The following CLINT1 variants were observed in gnomAD, a reference collection of about 807,000 sequenced individuals.
CLINT1 encodes clathrin interacting protein localized in the trans-Golgi region.
Under a neutral mutation model 70.4 loss-of-function variants are expected in CLINT1, and 15 were observed. The observed-to-expected ratio is 0.21, with a 90% CI of 0.14 to 0.33. The LOEUF is 0.33. CLINT1 is among the 10% of genes least tolerant of loss of function. CLINT1 has a pLI of 1.00. For synonymous variants in CLINT1, 227 were observed against 254.7 expected (o/e 0.89, Z 1.04); for missense variants, 615 against 778.1 (o/e 0.79, Z 2.49).
chr5:157,830,049 A>G (rs1232174191), intron 1 of CLINT1, among the ~76,000 whole-genome samples: 5 of 152,106 alleles, frequency 3.3e-5, no homozygotes, highest in Non-Finnish European at 7.4e-5. Context: ...CCCAGGCTCA[A>G]GCGATCCTCT....
intron 1 of CLINT1, among the ~76,000 whole-genome samples, chr5:157,839,841 C>T (rs1034813495): frequency 1.6e-4 from 25 of 151,862 alleles, no homozygotes; most frequent in Non-Finnish European, 3.7e-4. Flanking sequence ...CAGGAGTCCT[C>T]AGAGAAATGG....
rs555036095 is a variant in CLINT1, at chr5:157,851,165, G to A, written c.41+7765C>T. ...AAACAAACAAACAAACAAAAAACCC[G>A]AAAATTGAATTTTCAATGCATGCCT... On this transcript the variant is annotated intron_variant, in intron 1 of 11. Transcript: ENST00000411809. Among the ~76,000 whole-genome samples the A allele has an allele frequency of 3.0e-4, 46 of 152,110 alleles. No homozygotes were observed. In the East Asian group the frequency reaches 6.9e-3, roughly 23 times the overall value.
At chr5:157,809,534 A>G in intron 6 of CLINT1, 94 bp downstream of exon 6, 1 of 1,021,118 alleles carries the variant, frequency 9.8e-7, no homozygotes, top group Non-Finnish European at 1.4e-6. Context: ...AGATAATGTT[A>G]ATACCCCAAA....
intron 1 of CLINT1, among the ~76,000 whole-genome samples, chr5:157,846,782 C>A (rs571130440): frequency 6.6e-6 from 1 of 152,150 alleles, no homozygotes; most frequent in Non-Finnish European, 1.5e-5. Context: ...GTGCTCACTG[C>A]ACATTATGAA....
At chr5:157,800,793 G>A (rs1762188923) in intron 8 of CLINT1, among the ~76,000 whole-genome samples, 1 of 152,034 alleles carries the variant, frequency 6.6e-6, no homozygotes, top group Admixed American at 6.6e-5. Context: ...ACCACTCAAA[G>A]GTTCCTTGCC....
chr5:157,847,019 G>T (rs2113318612), intron 1 of CLINT1, among the ~76,000 whole-genome samples: 1 of 152,144 alleles, frequency 6.6e-6, no homozygotes, highest in South Asian at 2.1e-4. Flanking sequence ...AGAGATGAGT[G>T]TTTTCATGTC....
intron 1 of CLINT1, among the ~76,000 whole-genome samples, chr5:157,852,543 G>T (rs531826288): frequency 6.6e-6 from 1 of 152,166 alleles, no homozygotes; most frequent in Non-Finnish European, 1.5e-5. Context: ...TGTTTTGTGT[G>T]TAACAGTAAT....
intron 1 of CLINT1, among the ~76,000 whole-genome samples, chr5:157,858,278 A>C (rs990888725): frequency 2.6e-5 from 4 of 152,202 alleles, no homozygotes; most frequent in Non-Finnish European, 5.9e-5. Context: ...TGGAAAAAGA[A>C]ACAGAAGAAA....
intron 11 of CLINT1, 63 bp from the exon 12 acceptor site, chr5:157,788,055 G>A (rs1388645284): frequency 1.6e-6 from 2 of 1,250,030 alleles, no homozygotes; most frequent in African/African-American, 3.0e-5. Context: ...ATAGAACAGA[G>A]AACTAATAAC....
rs541265115 is a variant in CLINT1 at position 157,859,125 on chromosome 5, G to A, written c.-155C>T. 1.4e-4 allele frequency: 99 copies of A among 697,118 alleles called. No homozygotes were observed. In the East Asian group the frequency reaches 2.9e-3, roughly 20 times the overall value. 43.2% of individuals were successfully genotyped at this position (697,118 alleles called of 1,614,324 possible). A position where few individuals can be genotyped will look rare whatever the true frequency, so the allele number is the denominator to read the frequency against. ...CTTCCTTTGCCACAGCAGCGGCGCCGCCGGTGACACGTCGAGACGCGGCAG... is the reference window on the plus strand; with the variant it reads ...CTTCCTTTGCCACAGCAGCGGCGCCACCGGTGACACGTCGAGACGCGGCAG... On this transcript the variant is annotated 5_prime_UTR_variant, in exon 1 of 12. Coordinates refer to ENST00000411809, the MANE Select transcript of CLINT1 (RefSeq NM_014666.4).
chr5:157,845,645 G>A (rs1434156464), intron 1 of CLINT1, among the ~76,000 whole-genome samples: 2 of 150,430 alleles, frequency 1.3e-5, no homozygotes, highest in African/African-American at 2.4e-5. Context: ...TCCGCCTCCC[G>A]GGTTCACGCC....
At chr5:157,856,130 C>T (rs915628277) in intron 1 of CLINT1, among the ~76,000 whole-genome samples, 24 of 152,172 alleles carry the variant, frequency 1.6e-4, no homozygotes, top group Non-Finnish European at 3.2e-4. Context: ...TTAAGTATAA[C>T]ATTTATTGAT....
In CLINT1 at chr5:157,816,849, T is replaced by C. The variant is rs894309360; in HGVS notation, c.147-19A>G. On this transcript the variant is annotated intron_variant, in intron 2 of 11. Transcript: ENST00000411809. ...TGTAGCCCTGAAAAAAGAATCATTCTTTAAGAGTCTGCAATATATTAATTT... is the reference window on the plus strand; with the variant it reads ...TGTAGCCCTGAAAAAAGAATCATTCCTTAAGAGTCTGCAATATATTAATTT... The C allele has an allele frequency of 1.3e-6, 2 of 1,548,160 alleles. No homozygotes were observed. The highest frequency in any genetic ancestry group is 8.8e-7 in the Non-Finnish European group (1 of 1,131,210).
At chr5:157,856,628 T>C (rs955797501) in intron 1 of CLINT1, among the ~76,000 whole-genome samples, 1 of 152,174 alleles carries the variant, frequency 6.6e-6, no homozygotes, top group African/African-American at 2.4e-5. Context: ...GATGCTTACA[T>C]TTGGGGGGAA....
chr5:157,844,091 A>G (rs1753288404), intron 1 of CLINT1, among the ~76,000 whole-genome samples: 1 of 152,126 alleles, frequency 6.6e-6, no homozygotes, highest in South Asian at 2.1e-4. Flanking sequence ...AGTAGGCTAT[A>G]GTTTTTTTCA....
intron 10 of CLINT1, among the ~76,000 whole-genome samples, chr5:157,790,856 T>C (rs546894509): frequency 6.6e-6 from 1 of 152,154 alleles, no homozygotes; most frequent in Non-Finnish European, 1.5e-5. Flanking sequence ...TTTATGAAAA[T>C]GAAAGTTGAA....
chr5:157,789,673 AT>A (rs1761842699), intron 10 of CLINT1, 160 bp from the exon 11 acceptor site: 2 of 885,784 alleles, frequency 2.3e-6, no homozygotes, highest in Non-Finnish European at 3.5e-6. Context: ...AGAACCACTA[AT>A]GTTCTATGCT....
At chr5:157,845,874 A>G (rs1337700905) in intron 1 of CLINT1, among the ~76,000 whole-genome samples, 1 of 152,184 alleles carries the variant, frequency 6.6e-6, no homozygotes, top group Non-Finnish European at 1.5e-5. Flanking sequence ...AATTCTTACA[A>G]TATTTCCAAC....
chr5:157,788,812 A>G (rs1561633365), intron 11 of CLINT1, among the ~76,000 whole-genome samples: 1 of 152,052 alleles, frequency 6.6e-6, no homozygotes, highest in South Asian at 2.1e-4. Flanking sequence ...TACTAAAAAT[A>G]TAAAAATTAG....
Sources: gnomAD v4.1 joint callset for allele counts (sites outside exome capture counted in the v4.1 genomes callset) on GRCh38, gnomAD v4.1.1 for gene constraint, MANE v1.5 for transcripts, NCBI Gene and HGNC (gene_info 2026-07-23, HGNC 2026-07-21) for gene names.